EEF1AKMT1: variants seen among roughly 807,000 people sequenced by gnomAD.
EEF1AKMT1 encodes EEF1A lysine methyltransferase 1, also known as N-6 adenine-specific DNA methyltransferase 2 (putative).
EEF1AKMT1 carries 18 observed loss-of-function variants against 21.0 expected under a neutral mutation model. The ratio of observed to expected loss-of-function variants is 0.86; its 90% confidence interval spans 0.59 to 1.27. The LOEUF (loss-of-function observed/expected upper bound fraction) is 1.27. Ranked by LOEUF, EEF1AKMT1 falls within the 50% of genes most tolerant of loss-of-function variation. The pLI is 0.00. For missense variants in EEF1AKMT1, 246 were observed against 258.6 expected (o/e 0.95, Z 0.33); for synonymous variants, 109 against 94.8 (o/e 1.15, Z -0.87).
intron 3 of EEF1AKMT1, among the ~76,000 whole-genome samples, chr13:20,735,076 GCAA>G (rs2058818743): frequency 6.6e-6 from 1 of 152,152 alleles, no homozygotes; most frequent in African/African-American, 2.4e-5. Context: ...ATCACACTGA[GCAA>G]GCGGAACAGC....
rs147778876 is a variant in EEF1AKMT1, at chr13:20,748,544, A to G, written c.144+8911T>C. Reference sequence around the variant, plus strand: ...TCACTCCTCAGAAGCAACCATTTTCAATTCTTGGCTCTTTCTCTGATCATT... The same window carrying G: ...TCACTCCTCAGAAGCAACCATTTTCGATTCTTGGCTCTTTCTCTGATCATT... On this transcript the variant is annotated intron_variant, in intron 2 of 4. Transcript: ENST00000382758. Among the ~76,000 whole-genome samples the G allele has an allele frequency of 3.1e-3, 466 of 151,974 alleles. 19 individuals are homozygous for G. In the East Asian group the frequency reaches 0.069, roughly 22 times the overall value.
At chr13:20,765,602 T>TG in intron 1 of EEF1AKMT1, among the ~76,000 whole-genome samples, 1 of 151,198 alleles carries the variant, frequency 6.6e-6, no homozygotes, top group East Asian at 2.0e-4. Context: ...TTAGTAGAGA[T>TG]GGGATTCACC....
At chr13:20,746,812 T>C (rs549721538) in intron 2 of EEF1AKMT1, among the ~76,000 whole-genome samples, 11 of 152,364 alleles carry the variant, frequency 7.2e-5, no homozygotes, top group Middle Eastern at 3.4e-3. Flanking sequence ...CAAACAAGAT[T>C]TCACCACTGA....
At chr13:20,751,317 C>T (rs763444678) in intron 2 of EEF1AKMT1, among the ~76,000 whole-genome samples, 10 of 152,088 alleles carry the variant, frequency 6.6e-5, no homozygotes, top group Admixed American at 3.3e-4. Flanking sequence ...TATATGCTTA[C>T]GTCTAATCCA....
intron 4 of EEF1AKMT1, among the ~76,000 whole-genome samples, chr13:20,731,256 CCCACCTTGAA>C (rs1443821375): frequency 6.6e-6 from 1 of 152,192 alleles, no homozygotes; most frequent in African/African-American, 2.4e-5. Flanking sequence ...AAGTAATCCT[CCCACCTTGAA>C]GTTCTCAGAT....
rs549237331 is a variant in EEF1AKMT1 at position 20,762,761 on chromosome 13, G to C, written c.-19-5144C>G. 2.6e-3 allele frequency among the ~76,000 whole-genome samples: 395 copies of C among 151,942 alleles called. 2 individuals are homozygous for C. Among genetic ancestry groups the C allele is most frequent in the African/African-American group, 9.2e-3 (382 of 41,446 alleles). ...ACTCCTGAGCTCAAGTGTTCCTCCT[G>C]CCTCAGCCTCCGAAAGTGCTGGGAT... On this transcript the variant is annotated intron_variant, in intron 1 of 4. Coordinates refer to ENST00000382758, the MANE Select transcript of EEF1AKMT1 (RefSeq NM_001318939.2).
At chr13:20,756,701 T>C (rs547658379) in intron 2 of EEF1AKMT1, among the ~76,000 whole-genome samples, 7 of 152,358 alleles carry the variant, frequency 4.6e-5, no homozygotes, top group South Asian at 2.1e-4. Context: ...TTGGACCAGA[T>C]TGAGAACTTG....
chr13:20,763,809 G>A (rs912589675), intron 1 of EEF1AKMT1, among the ~76,000 whole-genome samples: 5 of 151,990 alleles, frequency 3.3e-5, no homozygotes, highest in Non-Finnish European at 4.4e-5. Context: ...TACTTACACG[G>A]CTATTCACAT....
chr13:20,731,206 C>T (rs9805466), intron 4 of EEF1AKMT1, among the ~76,000 whole-genome samples: 13,199 of 152,260 alleles, frequency 0.087, 777 homozygotes, highest in Non-Finnish European at 0.13. Flanking sequence ...GAGATGGAGT[C>T]TTGCTGTGTT....
chr13:20,766,298 C>CAAAAAAAAAAAAA (rs35866979), intron 1 of EEF1AKMT1, among the ~76,000 whole-genome samples: 8 of 76,736 alleles, frequency 1.0e-4, no homozygotes, highest in Non-Finnish European at 1.4e-4. Flanking sequence ...GACTCCATCT[C>CAAAAAAAAAAAAA]AAAAAAAAAA....
intron 1 of EEF1AKMT1, among the ~76,000 whole-genome samples, chr13:20,762,285 C>T (rs1036596045): frequency 3.3e-5 from 5 of 150,878 alleles, no homozygotes; most frequent in African/African-American, 1.2e-4. Flanking sequence ...TGGGTTCAAG[C>T]GATTCTCCCT....
intron 3 of EEF1AKMT1, among the ~76,000 whole-genome samples, chr13:20,734,395 G>A (rs1410045098): frequency 6.6e-6 from 1 of 152,060 alleles, no homozygotes. Flanking sequence ...CTTCCCACTG[G>A]GTGACCTTCT....
At chr13:20,729,244 G>A (rs1303057211) in intron 4 of EEF1AKMT1, 28 bp from the exon 5 acceptor site, 53 of 1,613,586 alleles carry the variant, frequency 3.3e-5, no homozygotes, top group Non-Finnish European at 4.3e-5. Context: ...AATGAATCCA[G>A]AGAGTGACAA....
Position 20,729,086 on chromosome 13 carries a change from C to A in EEF1AKMT1, c.639G>T (p.Gly213=). ...YVNYDSGLDC[G]I The stretch of plus-strand genomic sequence containing the variant: ...GTTATGTCACCGTCTGTAATCAGAT[C>A]CCACAGTCCAGCCCAGAATCATAAT... Residue 213 remains glycine (G), a synonymous_variant, in exon 5 of 5, where the codon GGG becomes GGT. Transcript: ENST00000382758. The A allele has an allele frequency of 6.2e-7, 1 of 1,614,148 alleles. No individual in the cohort carries two copies.
intron 2 of EEF1AKMT1, among the ~76,000 whole-genome samples, chr13:20,741,688 T>C (rs2818984): frequency 0.45 from 68,407 of 151,772 alleles, 17,175 homozygotes; most frequent in East Asian, 0.76. Context: ...ATCTCTTGAC[T>C]TCGTGATCTG....
chr13:20,741,647 G>C (rs1289569676), intron 2 of EEF1AKMT1, among the ~76,000 whole-genome samples: 1 of 151,786 alleles, frequency 6.6e-6, no homozygotes, highest in Non-Finnish European at 1.5e-5. Context: ...AGTAGAGATG[G>C]GGTCTCATCA....
In EEF1AKMT1 at chr13:20,761,493, T is replaced by C. The variant is rs2059001396; in HGVS notation, c.-19-3876A>G. Among the ~76,000 whole-genome samples the C allele has an allele frequency of 1.3e-5, 2 of 152,244 alleles. 1 individual carries two copies. Among genetic ancestry groups the C allele is most frequent in the African/African-American group, 4.8e-5 (2 of 41,468 alleles). On this transcript the variant is annotated intron_variant, in intron 1 of 4. Coordinates refer to ENST00000382758, the MANE Select transcript of EEF1AKMT1 (RefSeq NM_001318939.2). ...AAAACATTTGGGTTGTTTCCAATTT[T>C]AAGGTATTACAAATAGAGCTGTTGT...
At chr13:20,752,411 C>T (rs2818977) in intron 2 of EEF1AKMT1, among the ~76,000 whole-genome samples, 57,595 of 151,948 alleles carry the variant, frequency 0.38, 12,005 homozygotes, top group East Asian at 0.76. Context: ...GATCATATAA[C>T]ATTTGTCCTT....
intron 2 of EEF1AKMT1, among the ~76,000 whole-genome samples, chr13:20,739,148 G>A (rs774268360): frequency 7.2e-5 from 11 of 151,946 alleles, no homozygotes; most frequent in African/African-American, 2.4e-4. Flanking sequence ...ATCTGGAGTT[G>A]GTAGTTCCTC....
Sources: gnomAD v4.1 joint callset for allele counts (sites outside exome capture counted in the v4.1 genomes callset) on GRCh38, gnomAD v4.1.1 for gene constraint, MANE v1.5 for transcripts, NCBI Gene and HGNC (gene_info 2026-07-23, HGNC 2026-07-21) for gene names.